CD177: variants seen among roughly 807,000 people sequenced by gnomAD.
CD177 encodes CD177 molecule.
Under a neutral mutation model 38.1 loss-of-function variants are expected in CD177, and 41 were observed. The ratio of observed to expected loss-of-function variants is 1.07; its 90% CI spans 0.84 to 1.39. The LOEUF (loss-of-function observed/expected upper bound fraction) is 1.39. Among genes scored for constraint, CD177 ranks in the 40% most tolerant of loss-of-function variants. The pLI is 0.00. For missense variants in CD177, 619 were observed against 523.8 expected (o/e 1.18, Z -1.77); for synonymous variants, 236 against 216.7 (o/e 1.09, Z -0.78).
chr19:43,355,104 C>CTTTT (rs1156547437), intron 3 of CD177, among the ~76,000 whole-genome samples: 52 of 26,826 alleles, frequency 1.9e-3, no homozygotes, highest in African/African-American at 3.0e-3. Context: ...CTTTTCTTTT[C>CTTTT]TTTTTTTTTT....
In CD177 at chr19:43,354,397, C is replaced by T. The variant is rs1213985404; in HGVS notation, c.379+5C>T. 11 of 1,613,754 alleles carry T rather than the reference C, an allele frequency of 6.8e-6. No homozygotes were observed. Among genetic ancestry groups the T allele is most frequent in the Non-Finnish European group, 9.3e-6 (11 of 1,179,822 alleles). Reference sequence around the variant, plus strand: ...GGGCCCCACAGCCCCCAGCAGGTGCCTGCGGGAGGGTCGGGAGGAGAGGGA... The same window carrying T: ...GGGCCCCACAGCCCCCAGCAGGTGCTTGCGGGAGGGTCGGGAGGAGAGGGA... On this transcript the variant is annotated splice_donor_5th_base_variant and intron_variant, in intron 3 of 8. Coordinates refer to ENST00000618265, the MANE Select transcript of CD177 (RefSeq NM_020406.4).
At chr19:43,365,320 G>T (rs529770549), downstream of CD177, among the ~76,000 whole-genome samples, 22 of 127,102 alleles carry the variant, frequency 1.7e-4, 7 homozygotes, top group Admixed American at 1.8e-3. Context: ...CTTGTGGTAA[G>T]GTATGTCGCC....
At position 43,360,287 on chromosome 19, in the gene CD177, G is replaced by C; in HGVS notation, c.642G>C (p.Gly214=). 9 of 1,613,230 alleles carry C rather than the reference G, an allele frequency of 5.6e-6. No individual in the cohort carries two copies. The highest frequency in any genetic ancestry group is 1.3e-5 in the African/African-American group (1 of 74,966). ...DMKDFLTCHR[G]TTIMTHGNLA... ...CAGATTTTCTGACCTGTCATCGGGG[G>C]ACCACCATTATGACACACGGAAACT... Residue 214 remains glycine (G), a synonymous_variant, in exon 6 of 9, where the codon GGG becomes GGC. Transcript: ENST00000618265.
At chr19:43,355,516 T>A in intron 3 of CD177, 145 bp from the exon 4 acceptor site, 1 of 879,124 alleles carries the variant, frequency 1.1e-6, no homozygotes. Context: ...CACATCCAGA[T>A]CCCATGATGG....
At position 43,361,133 on chromosome 19, in the gene CD177, T is replaced by G. The variant is rs1222414660; in HGVS notation, c.761-10T>G. The G allele has an allele frequency of 2.0e-5, 29 of 1,452,670 alleles. 1 individual carries two copies. In the Admixed American group the frequency reaches 4.7e-4, roughly 24 times the overall value. 90.0% of individuals were successfully genotyped at this position (1,452,670 alleles called of 1,614,324 possible). ...CCAGTCCCCAGCCCAGCTTTCCCTC[T>G]CACCCTCAGGACTCACATCAACCCT... On this transcript the variant is annotated splice_polypyrimidine_tract_variant and intron_variant, in intron 6 of 8. Coordinates refer to ENST00000618265, the MANE Select transcript of CD177 (RefSeq NM_020406.4).
At chr19:43,364,452 A>C (rs1210543461), downstream of CD177, among the ~76,000 whole-genome samples, 1 of 152,274 alleles carries the variant, frequency 6.6e-6, no homozygotes, top group East Asian at 1.9e-4. Flanking sequence ...TCCATGGAAC[A>C]GGGCCCTGGC....
At position 43,362,573 on chromosome 19, in the gene CD177, T is replaced by C; in HGVS notation, c.*253T>C. ...GTATCTGATAATACAGACCCTGTCCTTTCTCCCAGTGCTGGGATTTCTCCA... is the reference window on the plus strand; with the variant it reads ...GTATCTGATAATACAGACCCTGTCCCTTCTCCCAGTGCTGGGATTTCTCCA... On this transcript the variant is annotated 3_prime_UTR_variant, in exon 9 of 9. Transcript: ENST00000618265. 1 of 343,716 alleles carries C rather than the reference T, an allele frequency of 2.9e-6. No individual in the cohort carries two copies. The highest frequency in any genetic ancestry group is 4.9e-5 in the East Asian group (1 of 20,578). The allele number at this position is 343,716 out of a possible 1,614,324, so 21.3% of individuals were successfully genotyped here. A position where few individuals can be genotyped will look rare whatever the true frequency, so the allele number is the denominator to read the frequency against.
chr19:43,355,404 A>C (rs2095989216), intron 3 of CD177: 1 of 457,420 alleles, frequency 2.2e-6, no homozygotes, highest in Admixed American at 2.4e-5. Flanking sequence ...GAGTCACCAC[A>C]CCCAGCCAAG....
At chr19:43,360,175 A>G (rs948219415) in intron 5 of CD177, 90 bp from the exon 6 acceptor site, 3 of 1,471,468 alleles carry the variant, frequency 2.0e-6, no homozygotes, top group Non-Finnish European at 2.8e-6. Flanking sequence ...GTGTGACTCA[A>G]GAGTGTGATC....
At chr19:43,364,136 T>C (rs1011988922), downstream of CD177, among the ~76,000 whole-genome samples, 8 of 152,286 alleles carry the variant, frequency 5.3e-5, no homozygotes, top group Non-Finnish European at 1.2e-4. Flanking sequence ...ATTCCAGTCC[T>C]TCCCTCTGTC....
At chr19:43,354,047 C>G in intron 2 of CD177, 54 bp downstream of exon 2, 1 of 1,588,580 alleles carries the variant, frequency 6.3e-7, no homozygotes, top group Non-Finnish European at 8.6e-7. Context: ...GTCCCTTGAT[C>G]CCTGTGCAGG....
rs766286692 is a variant in CD177, at chr19:43,355,540, C to T, written c.380-121C>T. 3.5e-5 allele frequency: 39 copies of T among 1,120,542 alleles called. 1 individual carries two copies. In the South Asian group the frequency reaches 4.4e-4, roughly 13 times the overall value. 69.4% of individuals were successfully genotyped at this position (1,120,542 alleles called of 1,614,324 possible). On this transcript the variant is annotated intron_variant, in intron 3 of 8. Transcript: ENST00000618265. ...ATCCCATGATGGGAGCTGCAGAAGG[C>T]CCCTTTGGGAAGGCTGAGCAGGTTG...
chr19:43,363,837 C>T (rs1276299782), downstream of CD177, among the ~76,000 whole-genome samples: 2 of 152,136 alleles, frequency 1.3e-5, no homozygotes, highest in Non-Finnish European at 2.9e-5. Flanking sequence ...CCTATAATGC[C>T]AGCACTTTGG....
rs750281907 is a variant in CD177 at position 43,353,779 on chromosome 19, C to T, written c.52+13C>T. On this transcript the variant is annotated intron_variant, in intron 1 of 8. Coordinates refer to ENST00000618265, the MANE Select transcript of CD177 (RefSeq NM_020406.4). ...CTCCCACTGCCAGGTGAGTGATGAG[C>T]CCAGCCTGGAGGAGATTCCCTGGAG... 3.7e-6 allele frequency: 6 copies of T among 1,613,898 alleles called. No homozygotes were observed. The highest frequency in any genetic ancestry group is 5.1e-6 in the Non-Finnish European group (6 of 1,179,850).
intron 7 of CD177, 44 bp from the exon 8 acceptor site, chr19:43,361,401 C>A: frequency 6.3e-7 from 1 of 1,596,194 alleles, no homozygotes; most frequent in Non-Finnish European, 8.6e-7. Context: ...GCCAGCTGCT[C>A]TGAGCACAAA....
chr19:43,366,011 CGAATG>C (rs1300905885), downstream of CD177, among the ~76,000 whole-genome samples: 1 of 152,098 alleles, frequency 6.6e-6, no homozygotes, highest in Admixed American at 6.6e-5. Context: ...AGCTGCTTTC[CGAATG>C]GTCAGAGTTA....
In CD177 at chr19:43,353,709, C is replaced by A. The variant is rs369204118; in HGVS notation, c.-6C>A. 4 of 1,613,816 alleles carry A rather than the reference C, an allele frequency of 2.5e-6. No individual in the cohort carries two copies. Among genetic ancestry groups the A allele is most frequent in the Non-Finnish European group, 3.4e-6 (4 of 1,179,828 alleles). ...GCAGAAAGAGATTACCAGCCACAGA[C>A]GGGTCATGAGCGCGGTATTACTGCT... On this transcript the variant is annotated 5_prime_UTR_variant, in exon 1 of 9. Transcript: ENST00000618265.
downstream of CD177, among the ~76,000 whole-genome samples, chr19:43,364,113 C>G (rs1970009987): frequency 6.6e-6 from 1 of 152,176 alleles, no homozygotes; most frequent in South Asian, 2.1e-4. Flanking sequence ...GTCCTCCGTA[C>G]AGATGACACA....
At chr19:43,359,751 C>A (rs1386290053) in intron 5 of CD177, among the ~76,000 whole-genome samples, 2 of 93,442 alleles carry the variant, frequency 2.1e-5, no homozygotes, top group Non-Finnish European at 4.2e-5. Flanking sequence ...ATGAGGCATC[C>A]CAGATAAGCT....
Sources: gnomAD v4.1 joint callset for allele counts (sites outside exome capture counted in the v4.1 genomes callset) on GRCh38, gnomAD v4.1.1 for gene constraint, MANE v1.5 for transcripts, NCBI Gene and HGNC (gene_info 2026-07-23, HGNC 2026-07-21) for gene names.